The following CIMAP1C variants were observed in gnomAD, a reference collection of about 807,000 sequenced individuals.
The protein encoded by CIMAP1C is ciliary microtubule associated protein 1C, also known as outer dense fiber of sperm tails 3 like 1.
the CIMAP1C span, chr15:75,724,335 C>T: frequency 5.1e-6 from 8 of 1,561,236 alleles, no homozygotes; most frequent in Non-Finnish European, 7.1e-6. Context: ...CCATCCCCAC[C>T]CTGGGCTTGG....
the CIMAP1C span, chr15:75,726,218 G>C: frequency 8.4e-7 from 1 of 1,191,576 alleles, no homozygotes; most frequent in South Asian, 1.3e-5. Flanking sequence ...AGGTTGGGGG[G>C]TGGGGTGCAC....
chr15:75,725,333 C>A, the CIMAP1C span: 213 of 822,052 alleles, frequency 2.6e-4, no homozygotes, highest in Non-Finnish European at 3.8e-4. Context: ...CTCAAGGGGC[C>A]CCCTGGGTCC....
the CIMAP1C span, chr15:75,724,465 T>C: frequency 1.5e-6 from 1 of 656,882 alleles, no homozygotes. Context: ...CAGTGTTGGC[T>C]GCTGGGATTG....
At chr15:75,725,948 C>T in the CIMAP1C span, 1 of 663,972 alleles carries the variant, frequency 1.5e-6, no homozygotes, top group Non-Finnish European at 2.7e-6. Flanking sequence ...CCCAAACACC[C>T]AGGAGCCACA....
the CIMAP1C span, among the ~76,000 whole-genome samples, chr15:75,725,471 T>G: frequency 6.6e-6 from 1 of 152,160 alleles, no homozygotes; most frequent in Non-Finnish European, 1.5e-5. Flanking sequence ...TTTTCTGGCC[T>G]TTGGCTGGGG....
chr15:75,727,167 T>C, the CIMAP1C span: 1 of 1,613,798 alleles, frequency 6.2e-7, no homozygotes, highest in Non-Finnish European at 8.5e-7. Context: ...CCATACAGAG[T>C]GATGGACCTC....
At chr15:75,724,957 A>T in the CIMAP1C span, 1 of 588,802 alleles carries the variant, frequency 1.7e-6, no homozygotes, top group Non-Finnish European at 3.0e-6. Flanking sequence ...CCTTCCCCCA[A>T]ACGAAGCAGC....
chr15:75,726,595 G>A, the CIMAP1C span, among the ~76,000 whole-genome samples: 1 of 152,028 alleles, frequency 6.6e-6, no homozygotes, highest in African/African-American at 2.4e-5. Flanking sequence ...TGTCAGGATG[G>A]CCTAAGTGAC....
chr15:75,727,422 GC>G, the CIMAP1C span: 1 of 1,613,896 alleles, frequency 6.2e-7, no homozygotes, highest in Non-Finnish European at 8.5e-7. Flanking sequence ...CCACGGCCTG[GC>G]CCCGGCTCCC....
chr15:75,726,672 G>T, the CIMAP1C span, among the ~76,000 whole-genome samples: 409 of 152,214 alleles, frequency 2.7e-3, 3 homozygotes, highest in Non-Finnish European at 4.2e-3. Context: ...CTGGAGTGCA[G>T]TGGCGTGATC....
chr15:75,727,301 G>A, the CIMAP1C span: 2 of 1,614,170 alleles, frequency 1.2e-6, no homozygotes, highest in Non-Finnish European at 1.7e-6. Flanking sequence ...GGAGGATGTG[G>A]CAGGAGGCCC....
the CIMAP1C span, chr15:75,727,425 C>T: frequency 6.2e-7 from 1 of 1,614,016 alleles, no homozygotes; most frequent in South Asian, 1.1e-5. Context: ...CGGCCTGGCC[C>T]CGGCTCCCAC....
At chr15:75,724,268 C>T in the CIMAP1C span, 2 of 1,614,178 alleles carry the variant, frequency 1.2e-6, no homozygotes, top group Non-Finnish European at 1.7e-6. Flanking sequence ...AGCCATTGCC[C>T]TCAAGGCAGG....
chr15:75,725,267 G>C, the CIMAP1C span: 2 of 1,348,726 alleles, frequency 1.5e-6, no homozygotes, highest in Non-Finnish European at 1.1e-6. Context: ...GCTGTTGTTG[G>C]AGGTTGAGGG....
At chr15:75,726,259 A>C in the CIMAP1C span, 2 of 786,296 alleles carry the variant, frequency 2.5e-6, no homozygotes, top group East Asian at 5.5e-5. Flanking sequence ...CAAAGGGTCA[A>C]GACTTCCTCC....
the CIMAP1C span, chr15:75,726,188 G>A: frequency 7.2e-7 from 1 of 1,379,638 alleles, no homozygotes; most frequent in Middle Eastern, 1.8e-4. Flanking sequence ...TGGGGTTATG[G>A]ACAGATGTTG....
the CIMAP1C span, chr15:75,727,598 A>G: frequency 6.7e-7 from 1 of 1,494,234 alleles, no homozygotes; most frequent in South Asian, 1.3e-5. Context: ...TCTACACCAA[A>G]TTGAGCAATT....
At chr15:75,726,204 TG>T in the CIMAP1C span, 1 of 646,530 alleles carries the variant, frequency 1.5e-6, no homozygotes, top group Non-Finnish European at 2.5e-6. Flanking sequence ...TGTTGGGGGT[TG>T]GGAGGTTGGG....
At chr15:75,727,133 C>T in the CIMAP1C span, 1 of 1,614,070 alleles carries the variant, frequency 6.2e-7, no homozygotes, top group African/African-American at 1.3e-5. Context: ...CAGGGCTCCC[C>T]AGTACACGTT....
Sources: allele counts gnomAD v4.1 joint callset (sites outside exome capture counted in the v4.1 genomes callset), GRCh38; gene constraint gnomAD v4.1.1; transcripts MANE v1.5; gene names NCBI Gene and HGNC (gene_info 2026-07-23, HGNC 2026-07-21).